The following CPVL variants were observed in gnomAD, a reference collection of about 807,000 sequenced individuals.
CPVL encodes the protein carboxypeptidase vitellogenic like.
A neutral mutation model predicts 63.7 loss-of-function variants in CPVL; 51 were observed. The observed-to-expected ratio is 0.80, with a 90% CI of 0.64 to 1.01. The LOEUF (loss-of-function observed/expected upper bound fraction) is 1.01, where lower values mean the gene tolerates loss of function less well. CPVL is among the 50% of genes least tolerant of loss of function. The pLI, the probability that CPVL is intolerant of heterozygous loss-of-function variation, is 0.00. For synonymous variants in CPVL, 195 were observed against 206.0 expected (o/e 0.95, Z 0.46); for missense variants, 530 against 573.1 (o/e 0.92, Z 0.77).
chr7:29,042,944 G>C (rs375518257), intron 11 of CPVL, among the ~76,000 whole-genome samples: 12 of 152,328 alleles, frequency 7.9e-5, no homozygotes, highest in African/African-American at 2.9e-4. Flanking sequence ...TTGGATTCTG[G>C]CTGACCCATT....
At chr7:29,135,567 C>T (rs543373680) in intron 1 of CPVL, among the ~76,000 whole-genome samples, 4 of 152,144 alleles carry the variant, frequency 2.6e-5, no homozygotes, top group South Asian at 2.1e-4. Context: ...CTCCTGACCT[C>T]GTGATCCACC....
intron 1 of CPVL, among the ~76,000 whole-genome samples, chr7:29,187,062 A>G (rs1432533372): frequency 6.6e-6 from 1 of 152,210 alleles, no homozygotes; most frequent in African/African-American, 2.4e-5. Context: ...ATCCTGGCAC[A>G]TAGGAAATGA....
chr7:29,067,818 A>G (rs145680556), intron 9 of CPVL, among the ~76,000 whole-genome samples: 157 of 152,192 alleles, frequency 1.0e-3, no homozygotes, highest in African/African-American at 3.6e-3. Flanking sequence ...CATGAGTTTA[A>G]GCAACTTGCC....
chr7:29,090,107 C>G (rs2128602695), intron 6 of CPVL, among the ~76,000 whole-genome samples: 1 of 152,300 alleles, frequency 6.6e-6, no homozygotes, highest in East Asian at 1.9e-4. Flanking sequence ...AGGTGATCTG[C>G]CTGCCTCGGC....
chr7:29,072,815 T>C (rs1019022443), intron 7 of CPVL, among the ~76,000 whole-genome samples: 1 of 152,202 alleles, frequency 6.6e-6, no homozygotes, highest in African/African-American at 2.4e-5. Flanking sequence ...TTTCAAAATC[T>C]GATAATGCTG....
chr7:29,164,794 A>G (rs994854072), intron 5 of CPVL, among the ~76,000 whole-genome samples: 1 of 151,640 alleles, frequency 6.6e-6, no homozygotes, highest in African/African-American at 2.4e-5. Flanking sequence ...AAAAAAAAAA[A>G]AAAAAAACAA....
intron 1 of CPVL, chr7:29,194,876 G>T: frequency 1.5e-6 from 2 of 1,354,538 alleles, no homozygotes; most frequent in African/African-American, 1.5e-5. Flanking sequence ...GAGCGGCCGG[G>T]CGAGGGCAGC....
chr7:29,069,348 G>A (rs1002254153), intron 9 of CPVL, among the ~76,000 whole-genome samples: 11 of 151,334 alleles, frequency 7.3e-5, no homozygotes, highest in African/African-American at 2.7e-4. Context: ...GGCTGAGGCA[G>A]GAGAATGGCT....
intron 1 of CPVL, chr7:29,124,978 C>T (rs1789844756): frequency 6.6e-6 from 1 of 152,120 alleles, no homozygotes; most frequent in Non-Finnish European, 1.5e-5. Context: ...AGAATAGCTT[C>T]TTCTTTCTCT....
At chr7:29,177,889 T>C (rs1198908465) in intron 5 of CPVL, among the ~76,000 whole-genome samples, 4 of 152,292 alleles carry the variant, frequency 2.6e-5, no homozygotes, top group Admixed American at 1.3e-4. Context: ...AGACATTTCA[T>C]AGGTGCCTCA....
intron 12 of CPVL, among the ~76,000 whole-genome samples, chr7:29,008,447 A>G (rs918006596): frequency 2.0e-5 from 3 of 152,204 alleles, no homozygotes; most frequent in Non-Finnish European, 4.4e-5. Context: ...GATATTGGAA[A>G]AGGAAAAAAC....
At chr7:29,126,961 A>T (rs546531609) in intron 1 of CPVL, 1 of 152,348 alleles carries the variant, frequency 6.6e-6, no homozygotes, top group East Asian at 1.9e-4. Flanking sequence ...CCTTTTGCTG[A>T]AGTGGCACTG....
intron 11 of CPVL, among the ~76,000 whole-genome samples, chr7:29,055,612 C>T (rs553877535): frequency 1.2e-4 from 19 of 152,242 alleles, no homozygotes; most frequent in African/African-American, 4.6e-4. Context: ...ACTGTGGGAC[C>T]AGTTTGGGCC....
Position 28,995,717 on chromosome 7 carries a change from T to C in CPVL, c.*55A>G. On this transcript the variant is annotated 3_prime_UTR_variant, in exon 13 of 13. Coordinates refer to ENST00000265394, the MANE Select transcript of CPVL (RefSeq NM_031311.5). ...TTATTCCTATGACATTTTCTGTTTT[T>C]ACGATTTTCTTTTCAGCAATGAAAA... The C allele has an allele frequency of 6.7e-6, 7 of 1,049,910 alleles. No homozygotes were observed. The highest frequency in any genetic ancestry group is 1.0e-5 in the Non-Finnish European group (7 of 703,204). The allele number at this position is 1,049,910 out of a possible 1,614,324, so 65.0% of individuals were successfully genotyped here. A position where few individuals can be genotyped will look rare whatever the true frequency, so the allele number is the denominator to read the frequency against.
chr7:29,134,211 G>A (rs1390446981), intron 1 of CPVL, among the ~76,000 whole-genome samples: 1 of 152,158 alleles, frequency 6.6e-6, no homozygotes, highest in Non-Finnish European at 1.5e-5. Context: ...TTCAGCCTCT[G>A]CAGGAGACTG....
chr7:29,131,246 AAATAAGAAC>A (rs1376352885), intron 1 of CPVL, among the ~76,000 whole-genome samples: 4 of 152,214 alleles, frequency 2.6e-5, no homozygotes, highest in Non-Finnish European at 5.9e-5. Context: ...TAGCATTTTC[AAATAAGAAC>A]ATTAGGATAC....
intron 9 of CPVL, 47 bp downstream of exon 9, chr7:29,071,725 CA>C: frequency 6.9e-7 from 1 of 1,444,884 alleles, no homozygotes; most frequent in Non-Finnish European, 9.4e-7. Flanking sequence ...CCTCCCTCCC[CA>C]GATGGTTTTA....
intron 7 of CPVL, 108 bp from the exon 8 acceptor site, chr7:29,072,531 G>C (rs1783852791): frequency 8.1e-7 from 1 of 1,240,596 alleles, no homozygotes; most frequent in East Asian, 2.4e-5. Context: ...TCCACATGAG[G>C]TATACCATCT....
At chr7:29,160,185 T>C (rs1038703040) in intron 5 of CPVL, among the ~76,000 whole-genome samples, 15 of 152,226 alleles carry the variant, frequency 9.9e-5, no homozygotes, top group African/African-American at 3.6e-4. Flanking sequence ...TTTGCTACTT[T>C]CTAGAGTCAG....
Sources: allele counts gnomAD v4.1 joint callset (sites outside exome capture counted in the v4.1 genomes callset), GRCh38; gene constraint gnomAD v4.1.1; transcripts MANE v1.5; gene names NCBI Gene and HGNC (gene_info 2026-07-23, HGNC 2026-07-21).